Variants in CLASP1 observed in about 807,000 individuals in gnomAD.
CLASP1 encodes cytoplasmic linker associated protein 1, also known as CLIP-associating protein 1.
Under a neutral mutation model 192.3 loss-of-function variants are expected in CLASP1, and 38 were observed. The observed-to-expected ratio is 0.20, with a 90% CI of 0.15 to 0.26. The LOEUF (loss-of-function observed/expected upper bound fraction) is 0.26. Among genes scored for constraint, CLASP1 ranks in the 10% least tolerant of loss-of-function variants. The probability of loss-of-function intolerance (pLI) is 1.00; values close to 1 mark genes in which losing one functional copy is unlikely to be tolerated. For synonymous variants in CLASP1, 691 were observed against 712.8 expected, an observed-to-expected ratio of 0.97 and a Z score of 0.49; for missense variants, 1,433 against 1,932.5, an observed-to-expected ratio of 0.74 and a Z score of 4.85.
intron 7 of CLASP1, 79 bp from the exon 8 acceptor site, chr2:121,503,313 T>A (rs1005654695): frequency 1.2e-6 from 1 of 807,432 alleles, no homozygotes; most frequent in African/African-American, 1.7e-5. Context: ...AATGTGAAGT[T>A]GATCCCCACT....
chr2:121,430,324 G>A (rs919451748), intron 19 of CLASP1, 147 bp from the exon 20 acceptor site: 1 of 618,846 alleles, frequency 1.6e-6, no homozygotes. Context: ...TCCACACGAG[G>A]TCTGCCACGT....
intron 2 of CLASP1, among the ~76,000 whole-genome samples, chr2:121,603,755 C>G (rs572261852): frequency 1.3e-5 from 2 of 152,138 alleles, no homozygotes; most frequent in Admixed American, 1.3e-4. Flanking sequence ...AATAAAATCC[C>G]GTCCTTCACA....
chr2:121,504,304 A>T (rs2093869565), intron 7 of CLASP1, among the ~76,000 whole-genome samples: 1 of 152,166 alleles, frequency 6.6e-6, no homozygotes, highest in Admixed American at 6.5e-5. Context: ...ATTCCAAAGC[A>T]ATGTATCTGT....
At chr2:121,452,230 T>C (rs944154546) in intron 14 of CLASP1, among the ~76,000 whole-genome samples, 2 of 152,214 alleles carry the variant, frequency 1.3e-5, no homozygotes, top group African/African-American at 2.4e-5. Context: ...AATCAGGTCT[T>C]TGCATTAATT....
intron 2 of CLASP1, among the ~76,000 whole-genome samples, chr2:121,594,387 T>G (rs1449905970): frequency 6.9e-6 from 1 of 145,618 alleles, no homozygotes; most frequent in African/African-American, 2.7e-5. Flanking sequence ...CAGGTATTAA[T>G]AGTCTATCAA....
At chr2:121,393,284 C>T (rs1418933866) in intron 30 of CLASP1, among the ~76,000 whole-genome samples, 1 of 152,130 alleles carries the variant, frequency 6.6e-6, no homozygotes, top group Non-Finnish European at 1.5e-5. Context: ...TAAAGCAGGA[C>T]ATTCACAGAA....
chr2:121,614,976 AC>A (rs2066216835), intron 1 of CLASP1, among the ~76,000 whole-genome samples: 1 of 152,262 alleles, frequency 6.6e-6, no homozygotes, highest in Non-Finnish European at 1.5e-5. Flanking sequence ...GCTTGGAATG[AC>A]CAAGTCAAAA....
In CLASP1 at chr2:121,420,374, G is replaced by A. The variant is rs144006737; in HGVS notation, c.2213-1645C>T. Among the ~76,000 whole-genome samples, 304 of 152,304 alleles carry A rather than the reference G, an allele frequency of 2.0e-3. 2 individuals are homozygous for A. The highest frequency in any genetic ancestry group is 3.6e-3 in the Non-Finnish European group (245 of 68,028). ...TTAAATGCTTAAAAAACTAGGGAGCGTGTGTACTGGCTCTACCAATACGGA... is the reference window on the plus strand; with the variant it reads ...TTAAATGCTTAAAAAACTAGGGAGCATGTGTACTGGCTCTACCAATACGGA... On this transcript the variant is annotated intron_variant, in intron 22 of 39. Coordinates refer to ENST00000263710, the Ensembl canonical transcript of CLASP1.
chr2:121,428,596 T>C (rs1482919485), intron 20 of CLASP1, among the ~76,000 whole-genome samples: 3 of 152,198 alleles, frequency 2.0e-5, no homozygotes, highest in Non-Finnish European at 4.4e-5. Flanking sequence ...GGGCTACACC[T>C]GCACCCTGGA....
At chr2:121,648,892 G>C (rs1202372720) in intron 1 of CLASP1, among the ~76,000 whole-genome samples, 1 of 152,202 alleles carries the variant, frequency 6.6e-6, no homozygotes, top group South Asian at 2.1e-4. Flanking sequence ...ACGGGAGCCC[G>C]GGCCGCCCGC....
chr2:121,640,847 A>G (rs141197550), intron 1 of CLASP1, among the ~76,000 whole-genome samples: 215 of 152,324 alleles, frequency 1.4e-3, no homozygotes, highest in Non-Finnish European at 2.6e-3. Context: ...TGTTACTGTA[A>G]GAATTGGCAG....
chr2:121,401,627 G>A, exon 28 of CLASP1: 1 of 1,612,274 alleles, frequency 6.2e-7, no homozygotes, highest in Non-Finnish European at 8.5e-7. Context: ...TCATCCTTAT[G>A]AATTATTATA....
At chr2:121,422,905 A>T (rs1028336258) in intron 22 of CLASP1, among the ~76,000 whole-genome samples, 6 of 152,160 alleles carry the variant, frequency 3.9e-5, no homozygotes, top group African/African-American at 1.4e-4. Context: ...ATTATAGAAA[A>T]TATTCCTAAA....
At chr2:121,388,028 A>G (rs1237741250) in intron 30 of CLASP1, 122 bp from the exon 32 acceptor site, 1 of 685,470 alleles carries the variant, frequency 1.5e-6, no homozygotes, top group East Asian at 2.8e-5. Context: ...TCTAGGCATC[A>G]AAAACAAAAA....
intron 1 of CLASP1, among the ~76,000 whole-genome samples, chr2:121,622,314 T>C (rs1042726611): frequency 6.6e-6 from 1 of 151,972 alleles, no homozygotes; most frequent in Non-Finnish European, 1.5e-5. Context: ...CTCACGCCTG[T>C]AATCCCAGCA....
intron 10 of CLASP1, among the ~76,000 whole-genome samples, chr2:121,462,039 A>G (rs1339720725): frequency 6.6e-6 from 1 of 152,102 alleles, no homozygotes; most frequent in Non-Finnish European, 1.5e-5. Context: ...TCAGCAACAG[A>G]CGATACTAAG....
intron 26 of CLASP1, chr2:121,403,469 G>A (rs1273108050): frequency 6.6e-6 from 3 of 456,560 alleles, no homozygotes; most frequent in Non-Finnish European, 1.3e-5. Flanking sequence ...TGGGCTCTCT[G>A]GCCATCACAG....
intron 2 of CLASP1, among the ~76,000 whole-genome samples, chr2:121,575,129 T>C (rs2060378592): frequency 6.6e-6 from 1 of 152,118 alleles, no homozygotes; most frequent in South Asian, 2.1e-4. Flanking sequence ...TTTTTTTCCT[T>C]TGAGACAAGT....
rs186704850 is a variant in CLASP1, at chr2:121,374,983, T to C, written c.3642+2516A>G. Among the ~76,000 whole-genome samples the C allele has an allele frequency of 1.9e-3, 293 of 152,266 alleles. 4 individuals are homozygous for C. The highest frequency in any genetic ancestry group is 6.6e-3 in the African/African-American group (273 of 41,554). Reference sequence around the variant, plus strand: ...ACTGTTGGGAAGGCATGATTGTGTTTTGAAATGTGAGGTGATGAGATATGG... The same window carrying C: ...ACTGTTGGGAAGGCATGATTGTGTTCTGAAATGTGAGGTGATGAGATATGG... On this transcript the variant is annotated intron_variant, in intron 34 of 39. Coordinates refer to ENST00000263710, the Ensembl canonical transcript of CLASP1.
Sources: gnomAD v4.1 joint callset for allele counts (sites outside exome capture counted in the v4.1 genomes callset) on GRCh38, gnomAD v4.1.1 for gene constraint, MANE v1.5 for transcripts, NCBI Gene and HGNC (gene_info 2026-07-23, HGNC 2026-07-21) for gene names.